The following DNAAF4 variants were observed in gnomAD, a reference collection of about 807,000 sequenced individuals.
DNAAF4 encodes dynein axonemal assembly factor 4.
DNAAF4 carries 43 observed loss-of-function variants against 51.8 expected under a neutral mutation model. That is an observed-to-expected ratio of 0.83 (90% CI 0.65 to 1.07). The LOEUF (loss-of-function observed/expected upper bound fraction) is 1.07, where lower values mean the gene tolerates loss of function less well. Among genes scored for constraint, DNAAF4 ranks in the 50% least tolerant of loss-of-function variants. DNAAF4 has a pLI of 0.00. For missense variants in DNAAF4, 581 were observed against 493.0 expected, an observed-to-expected ratio of 1.18 and a Z score of -1.69; for synonymous variants, 194 against 165.6, an observed-to-expected ratio of 1.17 and a Z score of -1.32.
At chr15:55,450,120 A>G (rs1293634856) in intron 6 of DNAAF4, 102 bp downstream of exon 6, 1 of 1,266,774 alleles carries the variant, frequency 7.9e-7, no homozygotes, top group African/African-American at 1.5e-5. Flanking sequence ...CTTTAGTGTA[A>G]TAAATACTTA....
intron 4 of DNAAF4, among the ~76,000 whole-genome samples, chr15:55,475,321 G>C (rs60003039): frequency 0.041 from 6,291 of 152,110 alleles, 438 homozygotes; most frequent in African/African-American, 0.14. Flanking sequence ...AACCATTTCA[G>C]GGGACTGGAA....
rs1322566644 is a variant in DNAAF4, at chr15:55,467,162, C to T, written c.406-1G>A. On this transcript the variant is annotated splice_acceptor_variant, in intron 4 of 9. Transcript: ENST00000321149. LOFTEE classifies it high-confidence loss of function. The stretch of plus-strand genomic sequence containing the variant: ...TTTTTTTCCTCTCTTCTTCTTCAAT[C>T]TATAACAATTGCAATTACCAAATTC... The T allele has an allele frequency of 1.3e-6, 2 of 1,528,722 alleles. No homozygotes were observed. The highest frequency in any genetic ancestry group is 8.8e-7 in the Non-Finnish European group (1 of 1,137,062). 94.7% of individuals were successfully genotyped at this position (1,528,722 alleles called of 1,614,324 possible). A position where few individuals can be genotyped will look rare whatever the true frequency, so the allele number is the denominator to read the frequency against.
intron 4 of DNAAF4, among the ~76,000 whole-genome samples, chr15:55,482,975 T>C (rs2058433094): frequency 6.6e-6 from 1 of 152,192 alleles, no homozygotes; most frequent in African/African-American, 2.4e-5. Context: ...ACACACTGTA[T>C]GTGAAATGTC....
downstream of DNAAF4, among the ~76,000 whole-genome samples, chr15:55,427,869 A>T (rs2057446342): frequency 6.6e-6 from 1 of 151,290 alleles, no homozygotes; most frequent in East Asian, 2.0e-4. Context: ...TCCCGACCTC[A>T]GGTGATCCAC....
chr15:55,447,531 C>T (rs145258416), intron 6 of DNAAF4, among the ~76,000 whole-genome samples: 7,365 of 151,512 alleles, frequency 0.049, 245 homozygotes, highest in East Asian at 0.15. Flanking sequence ...CCCAGCACCT[C>T]GGGAGGCCGA....
intron 4 of DNAAF4, among the ~76,000 whole-genome samples, chr15:55,477,832 G>A (rs181203389): frequency 1.3e-5 from 2 of 151,804 alleles, no homozygotes; most frequent in Admixed American, 1.3e-4. Flanking sequence ...TCAGGAGGCT[G>A]AGGCAGGTGG....
In DNAAF4 at chr15:55,430,640, AT is replaced by A. The variant is rs1566998271; in HGVS notation, c.*29del. On this transcript the variant is annotated 3_prime_UTR_variant, in exon 10 of 10. Coordinates refer to ENST00000321149, the MANE Select transcript of DNAAF4 (RefSeq NM_130810.4). ...GCCTCCAGTTGTTTTTAAAAAACTT[AT>A]AACAATACTTAGTTACTTCTAATAG... 1 of 1,601,250 alleles carries A rather than the reference AT, an allele frequency of 6.2e-7. No homozygotes were observed.
chr15:55,452,363 C>T (rs956165453), intron 5 of DNAAF4, among the ~76,000 whole-genome samples: 45 of 149,710 alleles, frequency 3.0e-4, no homozygotes, highest in Non-Finnish European at 3.2e-4. Flanking sequence ...ATGATTAATA[C>T]GATATAGAAC....
intron 5 of DNAAF4, among the ~76,000 whole-genome samples, chr15:55,459,698 C>CTTT (rs2058066856): frequency 7.2e-6 from 1 of 139,802 alleles, no homozygotes; most frequent in Admixed American, 6.7e-5. Context: ...TTTTTTCTTT[C>CTTT]TTTCTTTCTT....
At chr15:55,440,305 A>T (rs1301150127) in intron 6 of DNAAF4, among the ~76,000 whole-genome samples, 1 of 151,086 alleles carries the variant, frequency 6.6e-6, no homozygotes, top group African/African-American at 2.4e-5. Context: ...CCCACCTCGG[A>T]ATCCCAAAGT....
chr15:55,430,481 T>C lies in DNAAF4; in HGVS notation c.*189A>G. 8.9e-7 allele frequency: 1 copy of C among 1,124,236 alleles called. No homozygotes were observed. Among genetic ancestry groups the C allele is most frequent in the Non-Finnish European group, 1.1e-6 (1 of 899,852 alleles). The allele number at this position is 1,124,236 out of a possible 1,614,324, so 69.6% of individuals were successfully genotyped here. On this transcript the variant is annotated 3_prime_UTR_variant, in exon 10 of 10. Transcript: ENST00000321149. The stretch of plus-strand genomic sequence containing the variant: ...TAAGGAATTAAAATAGATTCTTATT[T>C]AGATTTACTTATTCAGAAATGATTC...
At position 55,449,535 on chromosome 15, in the gene DNAAF4, A is replaced by C. The variant is rs368733479; in HGVS notation, c.783+687T>G. On this transcript the variant is annotated intron_variant, in intron 6 of 9. Transcript: ENST00000321149. ...AAAAATTAGCCAGACATGCTGGCGC[A>C]TGCCTGTAATCCCAGCTACTAGGGA... is the stretch of plus-strand genomic sequence containing the variant. Among the ~76,000 whole-genome samples the C allele has an allele frequency of 6.0e-5, 9 of 149,786 alleles. No homozygotes were observed. In the East Asian group the frequency reaches 1.1e-3, roughly 18 times the overall value.
intron 5 of DNAAF4, among the ~76,000 whole-genome samples, chr15:55,453,218 A>C (rs1296695273): frequency 6.6e-6 from 1 of 152,194 alleles, no homozygotes; most frequent in African/African-American, 2.4e-5. Context: ...TAAGAAATGG[A>C]AGCTCCAGGT....
intron 5 of DNAAF4, among the ~76,000 whole-genome samples, chr15:55,464,956 AAAAT>A (rs2058147273): frequency 6.6e-6 from 1 of 152,220 alleles, no homozygotes; most frequent in South Asian, 2.1e-4. Context: ...ATTCCATCTC[AAAAT>A]AAATAAACAA....
intron 9 of DNAAF4, among the ~76,000 whole-genome samples, chr15:55,431,354 G>C (rs942259996): frequency 9.7e-6 from 1 of 102,800 alleles, no homozygotes; most frequent in South Asian, 4.0e-4. Context: ...GCTTAGGTGT[G>C]TGTATACACA....
At chr15:55,460,458 GC>G (rs1471805875) in intron 5 of DNAAF4, among the ~76,000 whole-genome samples, 1 of 152,030 alleles carries the variant, frequency 6.6e-6, no homozygotes, top group Non-Finnish European at 1.5e-5. Context: ...GAGATTACAG[GC>G]ATGAGCCACC....
chr15:55,477,673 T>TAC (rs1491316628), intron 4 of DNAAF4, among the ~76,000 whole-genome samples: 21 of 141,914 alleles, frequency 1.5e-4, no homozygotes, highest in African/African-American at 5.2e-4. Context: ...TATATATATA[T>TAC]ACATATATAC....
intron 5 of DNAAF4, among the ~76,000 whole-genome samples, chr15:55,450,885 G>C (rs1346038936): frequency 6.6e-6 from 1 of 152,174 alleles, no homozygotes; most frequent in African/African-American, 2.4e-5. Flanking sequence ...ATCACCTGAG[G>C]TCAGGAGTTC....
At chr15:55,488,884 C>G (rs1018424410) in intron 4 of DNAAF4, among the ~76,000 whole-genome samples, 5 of 152,034 alleles carry the variant, frequency 3.3e-5, no homozygotes, top group Admixed American at 1.3e-4. Flanking sequence ...GTTAGGAGAG[C>G]GAGACCATCC....
Sources: gnomAD v4.1 joint callset for allele counts (sites outside exome capture counted in the v4.1 genomes callset) on GRCh38, gnomAD v4.1.1 for gene constraint, MANE v1.5 for transcripts, NCBI Gene and HGNC (gene_info 2026-07-23, HGNC 2026-07-21) for gene names.